The following NRXN3 variants were observed in gnomAD, a reference collection of about 807,000 sequenced individuals.
NRXN3 encodes the protein neurexin III.
NRXN3 carries 32 observed loss-of-function variants against 137.6 expected under a neutral mutation model. The observed-to-expected ratio is 0.23, with a 90% confidence interval of 0.18 to 0.31. The LOEUF is 0.31. NRXN3 is among the 10% of genes least tolerant of loss of function. The pLI is 1.00. For synonymous variants in NRXN3, 798 were observed against 784.5 expected (o/e 1.02, Z -0.29); for missense variants, 1,574 against 2,062.5 (o/e 0.76, Z 4.59).
chr14:78,452,871 A>G (rs1035316034), intron 4 of NRXN3, among the ~76,000 whole-genome samples: 7 of 152,248 alleles, frequency 4.6e-5, no homozygotes, highest in Non-Finnish European at 1.0e-4. Flanking sequence ...CTTGTATGAT[A>G]AGCATAGGTC....
rs1407562539 is a variant in NRXN3 at position 79,838,082 on chromosome 14, T to C, written c.4094-23260T>C. 2.7e-5 allele frequency among the ~76,000 whole-genome samples: 4 copies of C among 148,816 alleles called. No homozygotes were observed. The Admixed American group carries it at 2.7e-4, about 10-fold the overall frequency. On this transcript the variant is annotated intron_variant, in intron 20 of 20. Transcript: ENST00000335750. Reference sequence around the variant, plus strand: ...AGCCAATATATTTTGTACTGAATAGTATACAGTGTTAAAAACTCAGCTTTT... The same window carrying C: ...AGCCAATATATTTTGTACTGAATAGCATACAGTGTTAAAAACTCAGCTTTT...
intron 6 of NRXN3, among the ~76,000 whole-genome samples, chr14:78,694,803 G>C (rs1468407256): frequency 1.3e-5 from 2 of 151,900 alleles, no homozygotes; most frequent in African/African-American, 4.8e-5. Context: ...AACCTGACCA[G>C]TCCATGTATA....
At chr14:79,326,206 CCA>C (rs1327613154) in intron 15 of NRXN3, among the ~76,000 whole-genome samples, 4 of 152,244 alleles carry the variant, frequency 2.6e-5, no homozygotes, top group African/African-American at 9.6e-5. Flanking sequence ...GCAGTAGAGG[CCA>C]CAGAGTGCTG....
chr14:79,642,142 T>G (rs1330354228), intron 16 of NRXN3, among the ~76,000 whole-genome samples: 1 of 135,648 alleles, frequency 7.4e-6, no homozygotes, highest in Non-Finnish European at 1.7e-5. Context: ...TACCACAAAT[T>G]AGGATTCTCT....
intron 20 of NRXN3, among the ~76,000 whole-genome samples, chr14:79,838,978 G>T (rs2099349987): frequency 6.6e-6 from 1 of 152,160 alleles, no homozygotes; most frequent in Non-Finnish European, 1.5e-5. Flanking sequence ...TTGTAGAATT[G>T]GGCAACACCT....
At chr14:79,524,703 A>G (rs940073672) in intron 16 of NRXN3, among the ~76,000 whole-genome samples, 4 of 152,230 alleles carry the variant, frequency 2.6e-5, no homozygotes, top group African/African-American at 9.6e-5. Flanking sequence ...TGAAAAATCA[A>G]CTTGCAAAAT....
chr14:78,749,048 A>G (rs1313143324), intron 8 of NRXN3, among the ~76,000 whole-genome samples: 3 of 152,150 alleles, frequency 2.0e-5, no homozygotes, highest in South Asian at 4.1e-4. Flanking sequence ...CTCACAAAAC[A>G]TCAAATAAGA....
At chr14:79,383,126 A>C (rs1179817652) in intron 15 of NRXN3, among the ~76,000 whole-genome samples, 1 of 152,112 alleles carries the variant, frequency 6.6e-6, no homozygotes, top group Non-Finnish European at 1.5e-5. Context: ...GTGAGTAAAC[A>C]ACCATTCCCA....
At chr14:79,512,740 G>A (rs996934910) in intron 16 of NRXN3, among the ~76,000 whole-genome samples, 19 of 152,018 alleles carry the variant, frequency 1.2e-4, no homozygotes, top group Admixed American at 3.3e-4. Context: ...TATATGTGTC[G>A]TCCCCAATCT....
intron 4 of NRXN3, among the ~76,000 whole-genome samples, chr14:78,322,330 C>T (rs959355501): frequency 6.6e-5 from 10 of 152,068 alleles, no homozygotes; most frequent in African/African-American, 2.4e-4. Context: ...CCTGGCTATT[C>T]GGAAAGGGGT....
intron 5 of NRXN3, among the ~76,000 whole-genome samples, chr14:78,650,870 T>C (rs1183682623): frequency 6.6e-6 from 1 of 152,036 alleles, no homozygotes; most frequent in African/African-American, 2.4e-5. Context: ...CTGAGGATGG[T>C]TCCATTTTCT....
chr14:78,727,425 GC>G (rs1214246669), intron 8 of NRXN3, among the ~76,000 whole-genome samples: 1 of 152,178 alleles, frequency 6.6e-6, no homozygotes, highest in African/African-American at 2.4e-5. Flanking sequence ...TGGGGTGAGT[GC>G]TTTTGTTAGT....
chr14:78,362,457 T>C (rs2153607101), intron 4 of NRXN3, among the ~76,000 whole-genome samples: 1 of 152,326 alleles, frequency 6.6e-6, no homozygotes, highest in South Asian at 2.1e-4. Context: ...AAATAATTAA[T>C]GCCTCTCCTT....
intron 15 of NRXN3, among the ~76,000 whole-genome samples, chr14:79,132,047 T>C (rs2057586746): frequency 6.6e-6 from 1 of 152,232 alleles, no homozygotes; most frequent in Non-Finnish European, 1.5e-5. Flanking sequence ...TCACGCACGG[T>C]GCGTGCACCC....
intron 15 of NRXN3, among the ~76,000 whole-genome samples, chr14:79,433,858 A>G (rs2095802479): frequency 6.6e-6 from 1 of 152,210 alleles, no homozygotes; most frequent in African/African-American, 2.4e-5. Context: ...GTGTTTAATT[A>G]TCACCTGGAG....
At chr14:78,395,985 T>C (rs1431211849) in intron 4 of NRXN3, among the ~76,000 whole-genome samples, 1 of 152,084 alleles carries the variant, frequency 6.6e-6, no homozygotes, top group East Asian at 1.9e-4. Context: ...TTTAATATCA[T>C]CATTTATATG....
intron 4 of NRXN3, among the ~76,000 whole-genome samples, chr14:78,465,725 G>T (rs898839186): frequency 6.6e-6 from 1 of 151,828 alleles, no homozygotes; most frequent in Non-Finnish European, 1.5e-5. Context: ...AGTAGAGATG[G>T]GGTTTCACCG....
intron 19 of NRXN3, among the ~76,000 whole-genome samples, chr14:79,765,102 T>G (rs1055430598): frequency 1.3e-4 from 20 of 152,206 alleles, no homozygotes; most frequent in Admixed American, 6.5e-4. Flanking sequence ...CTTATCTAAT[T>G]CTTTTTAGTG....
intron 4 of NRXN3, among the ~76,000 whole-genome samples, chr14:78,548,190 T>A (rs1336374406): frequency 2.6e-5 from 4 of 152,338 alleles, no homozygotes; most frequent in South Asian, 2.1e-4. Flanking sequence ...CTATAATTCC[T>A]TATCAAGAAA....
Sources: gnomAD v4.1 joint callset for allele counts (sites outside exome capture counted in the v4.1 genomes callset) on GRCh38, gnomAD v4.1.1 for gene constraint, MANE v1.5 for transcripts, NCBI Gene and HGNC (gene_info 2026-07-23, HGNC 2026-07-21) for gene names.